Variants in IARS1 observed in about 807,000 individuals in gnomAD.
The protein encoded by IARS1 is isoleucyl-tRNA synthetase 1.
IARS1 carries 124 observed loss-of-function variants against 168.2 expected under a neutral mutation model. That is an observed-to-expected ratio of 0.74 (90% confidence interval 0.64 to 0.86). IARS1 has a LOEUF of 0.86. Ranked by LOEUF, IARS1 falls within the 40% of genes least tolerant of loss-of-function variation. IARS1 has a pLI of 0.00. For synonymous variants in IARS1, 532 were observed against 529.4 expected (o/e 1.00, Z -0.07); for missense variants, 1,452 against 1,515.8 (o/e 0.96, Z 0.70).
intron 20 of IARS1, among the ~76,000 whole-genome samples, chr9:92,255,323 A>G (rs1484605580): frequency 1.3e-5 from 2 of 152,194 alleles, no homozygotes; most frequent in East Asian, 1.9e-4. Context: ...CCTGCCCAAC[A>G]GCAGCAGGAA....
intron 17 of IARS1, among the ~76,000 whole-genome samples, chr9:92,262,358 T>C (rs1377738857): frequency 6.6e-6 from 1 of 152,234 alleles, no homozygotes; most frequent in African/African-American, 2.4e-5. Flanking sequence ...GATTTCTGTG[T>C]GGGTACTCAG....
intron 9 of IARS1, among the ~76,000 whole-genome samples, chr9:92,275,417 T>A (rs1473754709): frequency 6.6e-6 from 1 of 152,170 alleles, no homozygotes; most frequent in Admixed American, 6.5e-5. Context: ...TTATTTTCAA[T>A]TACATCACAG....
intron 1 of IARS1, among the ~76,000 whole-genome samples, chr9:92,291,429 T>C (rs777603304): frequency 2.6e-5 from 4 of 152,174 alleles, no homozygotes; most frequent in Non-Finnish European, 4.4e-5. Flanking sequence ...CTGTGACAAG[T>C]AGTATCTTTC....
intron 6 of IARS1, among the ~76,000 whole-genome samples, chr9:92,284,033 C>T (rs1196150015): frequency 1.3e-5 from 2 of 152,028 alleles, no homozygotes; most frequent in African/African-American, 4.8e-5. Flanking sequence ...CATAAATTAG[C>T]CAGGTATGGT....
chr9:92,278,045 T>G, intron 8 of IARS1, 122 bp from the exon 9 acceptor site: 1 of 1,073,522 alleles, frequency 9.3e-7, no homozygotes, highest in Non-Finnish European at 1.4e-6. Flanking sequence ...CATGCTGTAA[T>G]GTGTGACTGC....
intron 9 of IARS1, among the ~76,000 whole-genome samples, chr9:92,277,338 T>C (rs927056457): frequency 3.9e-5 from 6 of 151,960 alleles, no homozygotes; most frequent in African/African-American, 1.2e-4. Context: ...GGCAGGAGAA[T>C]TGCTTGAACC....
At chr9:92,281,280 C>T (rs1053664388) in intron 6 of IARS1, among the ~76,000 whole-genome samples, 10 of 151,730 alleles carry the variant, frequency 6.6e-5, no homozygotes, top group Non-Finnish European at 1.0e-4. Context: ...ATTATAGGTG[C>T]GTGTCACCAC....
intron 33 of IARS1, among the ~76,000 whole-genome samples, chr9:92,216,320 G>A (rs1403422459): frequency 6.6e-6 from 1 of 151,398 alleles, no homozygotes; most frequent in Admixed American, 6.6e-5. Context: ...GCAAAATCAT[G>A]CCAAAATGTA....
chr9:92,238,154 C>T lies in IARS1; in HGVS notation c.3283+2702G>A, dbSNP rs1164804151. Among the ~76,000 whole-genome samples the T allele has an allele frequency of 2.6e-5, 4 of 152,158 alleles. No homozygotes were observed. The East Asian group carries it at 5.8e-4, about 22-fold the overall frequency. On this transcript the variant is annotated intron_variant, in intron 30 of 33. Coordinates refer to ENST00000443024, the MANE Select transcript of IARS1 (RefSeq NM_002161.6). ...CTCTTGACCTCAGGTGATCCGCCTG[C>T]CTTGGCCTTCCAGTGTTGGGATTAC...
chr9:92,230,103 A>AATTCT (rs1472037431), intron 30 of IARS1, among the ~76,000 whole-genome samples: 1 of 151,272 alleles, frequency 6.6e-6, no homozygotes, highest in Non-Finnish European at 1.5e-5. Context: ...TTTGGCAACA[A>AATTCT]TTTCTTTTCT....
At chr9:92,278,033 T>C in intron 8 of IARS1, 110 bp from the exon 9 acceptor site, 1 of 1,154,810 alleles carries the variant, frequency 8.7e-7, no homozygotes. Flanking sequence ...GCCCTAGCCA[T>C]TCATGCTGTA....
At chr9:92,243,142 T>C in intron 28 of IARS1, 74 bp downstream of exon 28, 1 of 987,316 alleles carries the variant, frequency 1.0e-6, no homozygotes, top group Admixed American at 1.8e-5. Context: ...ATTACCTGCC[T>C]CTCCTATCTT....
At chr9:92,292,074 TG>T (rs1384122696) in intron 1 of IARS1, among the ~76,000 whole-genome samples, 1 of 149,362 alleles carries the variant, frequency 6.7e-6, no homozygotes, top group Admixed American at 6.7e-5. Flanking sequence ...TGGAGTGCAG[TG>T]GCACAATCAT....
chr9:92,253,256 C>T (rs1159480255), intron 21 of IARS1, 106 bp downstream of exon 21: 11 of 724,220 alleles, frequency 1.5e-5, no homozygotes, highest in South Asian at 6.3e-5. Flanking sequence ...GCTTCAAAAA[C>T]GGAGAGCAAC....
At chr9:92,252,796 A>AAAAAAC (rs1830202182) in intron 21 of IARS1, among the ~76,000 whole-genome samples, 1 of 145,720 alleles carries the variant, frequency 6.9e-6, no homozygotes, top group African/African-American at 2.5e-5. Context: ...AAAAAAAAAA[A>AAAAAAC]AGACATGACT....
At chr9:92,257,231 T>C (rs1830853979) in intron 19 of IARS1, among the ~76,000 whole-genome samples, 1 of 152,206 alleles carries the variant, frequency 6.6e-6, no homozygotes, top group Non-Finnish European at 1.5e-5. Flanking sequence ...CCCAGAAAGT[T>C]CTATCCCACT....
chr9:92,267,213 C>T (rs770649733), intron 14 of IARS1, among the ~76,000 whole-genome samples: 1 of 152,156 alleles, frequency 6.6e-6, no homozygotes, highest in Non-Finnish European at 1.5e-5. Context: ...AGGGCCACAC[C>T]AGTAGGAACT....
chr9:92,238,477 C>A (rs1827889364), intron 30 of IARS1, among the ~76,000 whole-genome samples: 1 of 152,192 alleles, frequency 6.6e-6, no homozygotes, highest in African/African-American at 2.4e-5. Context: ...ATGTGATACA[C>A]TTGCTCCCAC....
chr9:92,223,586 G>C, intron 31 of IARS1, 97 bp from the exon 32 acceptor site: 1 of 954,496 alleles, frequency 1.0e-6, no homozygotes, highest in Non-Finnish European at 1.5e-6. Flanking sequence ...ATCTTTTTAC[G>C]ATAATGCTTT....
Sources: gnomAD v4.1 joint callset for allele counts (sites outside exome capture counted in the v4.1 genomes callset) on GRCh38, gnomAD v4.1.1 for gene constraint, MANE v1.5 for transcripts, NCBI Gene and HGNC (gene_info 2026-07-23, HGNC 2026-07-21) for gene names.